PHF19: variants seen among roughly 807,000 people sequenced by gnomAD.
PHF19 encodes PHD finger protein 19, also known as polycomb like 3.
A neutral mutation model predicts 79.8 loss-of-function variants in PHF19; 21 were observed. The ratio of observed to expected loss-of-function variants is 0.26; its 90% CI spans 0.19 to 0.38. PHF19 has a LOEUF of 0.38. PHF19 is among the 10% of genes least tolerant of loss of function. The pLI, the probability that PHF19 is intolerant of heterozygous loss-of-function variation, is 1.00. For missense variants in PHF19, 445 were observed against 744.2 expected (o/e 0.60, Z 4.68); for synonymous variants, 273 against 296.3 (o/e 0.92, Z 0.81).
chr9:120,862,409 G>A lies in PHF19; in HGVS notation c.1130+179C>T, dbSNP rs1471235356. Among the ~76,000 whole-genome samples, 3 of 152,240 alleles carry A rather than the reference G, an allele frequency of 2.0e-5. No homozygotes were observed. Among genetic ancestry groups the A allele is most frequent in the African/African-American group, 7.2e-5 (3 of 41,464 alleles). On this transcript the variant is annotated intron_variant, in intron 11 of 14. Coordinates refer to ENST00000373896, the MANE Select transcript of PHF19 (RefSeq NM_015651.3). This position sits in a 1 kb window ranked among gnomAD's most constrained non-coding sequence, Gnocchi z 4.6. ...GCTTTTCCTCCTTGCGAGGTAATAA[G>A]GGGGCTGTGGTGGTGAAAGGAGTTG...
chr9:120,883,808 G>T (rs1291644880), intron 1 of PHF19, among the ~76,000 whole-genome samples: 2 of 151,996 alleles, frequency 1.3e-5, no homozygotes, highest in Non-Finnish European at 2.9e-5. Flanking sequence ...AGAGCTAGGG[G>T]GTGGGGCTAG....
intron 1 of PHF19, among the ~76,000 whole-genome samples, chr9:120,893,492 C>T (rs959499078): frequency 3.9e-5 from 6 of 152,256 alleles, no homozygotes; most frequent in African/African-American, 1.4e-4. Context: ...CATCCAATCT[C>T]TAGCCCTAGC....
In PHF19 at chr9:120,877,110, C is replaced by T. The variant is rs1021182512; in HGVS notation, c.-35G>A. ...ACTCACCGCGAGGCTGCGTGTCCGCCGGTCCCACTTGGAGTCTGGCCACCA... is the reference window on the plus strand; with the variant it reads ...ACTCACCGCGAGGCTGCGTGTCCGCTGGTCCCACTTGGAGTCTGGCCACCA... On this transcript the variant is annotated 5_prime_UTR_variant, in exon 1 of 15. Transcript: ENST00000373896. 2.0e-6 allele frequency: 2 copies of T among 985,182 alleles called. No homozygotes were observed. The highest frequency in any genetic ancestry group is 1.7e-5 in the African/African-American group (1 of 57,308). 61.0% of individuals were successfully genotyped at this position (985,182 alleles called of 1,614,324 possible).
chr9:120,865,984 G>T, intron 8 of PHF19, 44 bp downstream of exon 8: 1 of 1,570,658 alleles, frequency 6.4e-7, no homozygotes, highest in Non-Finnish European at 8.8e-7. Context: ...GAGGGGAGAA[G>T]CTGGGAGGAG....
upstream of PHF19, among the ~76,000 whole-genome samples, chr9:120,879,435 C>T (rs919973878): frequency 9.9e-5 from 15 of 152,210 alleles, no homozygotes; most frequent in Non-Finnish European, 2.2e-4. Flanking sequence ...AAGTCCAGCT[C>T]TGCCTCTGAG....
At position 120,862,559 on chromosome 9, in the gene PHF19, C is replaced by A; in HGVS notation, c.1130+29G>T. 6.2e-7 allele frequency: 1 copy of A among 1,606,048 alleles called. No homozygotes were observed. The highest frequency in any genetic ancestry group is 8.5e-7 in the Non-Finnish European group (1 of 1,174,734). ...GCAGAGAAACCGAGTTTGGCGGCAG[C>A]CCTGGCCCCTGGGTCCCCGAGCACT... On this transcript the variant is annotated intron_variant, in intron 11 of 14. Coordinates refer to ENST00000373896, the MANE Select transcript of PHF19 (RefSeq NM_015651.3). This position sits in a 1 kb window ranked among gnomAD's most constrained non-coding sequence, Gnocchi z 4.6.
chr9:120,858,066 T>G lies in PHF19; in HGVS notation c.1621A>C (p.Asn541His). 1.2e-6 allele frequency: 2 copies of G among 1,614,170 alleles called. No homozygotes were observed. The highest frequency in any genetic ancestry group is 1.7e-6 in the Non-Finnish European group (2 of 1,179,982). Residue 541 changes from asparagine (N) to histidine (H), a missense_variant, in exon 15 of 15, where the codon AAC (asparagine) becomes CAC (histidine). Physicochemically the swap from Asn to His is moderately conservative, Grantham distance 68. Coordinates refer to ENST00000373896, the MANE Select transcript of PHF19 (RefSeq NM_015651.3). ...AACCGCCCAGCTGCACCAAAGTAGT[T>G]GGTGATAGATGACTTGAGGTGGGAC... ...SLSHLKSSITNYFGAAGRLAC... is the reference protein window; with the variant it reads ...SLSHLKSSITHYFGAAGRLAC...
rs1352614003 is a variant in PHF19, at chr9:120,874,670, C to A, written c.72G>T (p.Gly24=). 1.2e-6 allele frequency: 2 copies of A among 1,613,686 alleles called. No homozygotes were observed. The highest frequency in any genetic ancestry group is 4.5e-5 in the East Asian group (2 of 44,900). ...AGTTGTTCTTGACCTTCGCCAGGGC[C>A]CCCTTGTTGGGGAGGTGGCTGGTGG... ...YGATSHLPNK[G]ALAKVKNNFK... is the part of the protein sequence containing the mutation. Residue 24 remains glycine (G), a synonymous_variant, in exon 2 of 15, where the codon GGG becomes GGT. Transcript: ENST00000373896. This position sits in a 1 kb window ranked among gnomAD's most constrained non-coding sequence, Gnocchi z 4.5.
chr9:120,862,091 G>A lies in PHF19; in HGVS notation c.1131-86C>T, dbSNP rs1323447598. 3.3e-6 allele frequency: 3 copies of A among 917,808 alleles called. No homozygotes were observed. Among genetic ancestry groups the A allele is most frequent in the East Asian group, 2.4e-5 (1 of 41,830 alleles). 56.9% of individuals were successfully genotyped at this position (917,808 alleles called of 1,614,324 possible). A position where few individuals can be genotyped will look rare whatever the true frequency, so the allele number is the denominator to read the frequency against. ...CAGAGGGAGGCGCCGCAGGGGCGGG[G>A]GTCACAGCAGTTGGGGAGACAGGCT... On this transcript the variant is annotated intron_variant, in intron 11 of 14. Coordinates refer to ENST00000373896, the MANE Select transcript of PHF19 (RefSeq NM_015651.3). The surrounding 1 kb of genome is among the most constrained non-coding windows in gnomAD (Gnocchi z 4.6).
At chr9:120,865,879 C>T in intron 8 of PHF19, 49 bp from the exon 9 acceptor site, 1 of 1,613,136 alleles carries the variant, frequency 6.2e-7, no homozygotes, top group Middle Eastern at 1.7e-4. Flanking sequence ...GCAGCCTGCT[C>T]AGCCAGGGTC....
rs4836833 is a variant in PHF19 at position 120,870,551 on chromosome 9, G to C, written c.269-13C>G. 0.68 allele frequency: 1,043,716 copies of C among 1,530,442 alleles called. 359,699 individuals are homozygous for C. The highest frequency in any genetic ancestry group is 0.81 in the Admixed American group (48,791 of 59,908). 94.8% of individuals were successfully genotyped at this position (1,530,442 alleles called of 1,614,324 possible). ...CCTGGAACACCGGCTGAAAGAGAGG[G>C]CCTCGAGGGTCGGGTCCAGCTCACA... On this transcript the variant is annotated splice_polypyrimidine_tract_variant and intron_variant, in intron 3 of 14. Transcript: ENST00000373896. This position sits in a 1 kb window ranked among gnomAD's most constrained non-coding sequence, Gnocchi z 4.4.
chr9:120,865,973 G>A, intron 8 of PHF19, 55 bp downstream of exon 8: 1 of 1,564,138 alleles, frequency 6.4e-7, no homozygotes, highest in Non-Finnish European at 8.8e-7. Flanking sequence ...GAGGGAGGAG[G>A]GAGGGGAGAA....
chr9:120,875,713 G>A (rs1432459567), intron 1 of PHF19, among the ~76,000 whole-genome samples: 2 of 152,172 alleles, frequency 1.3e-5, no homozygotes, highest in Non-Finnish European at 2.9e-5. Flanking sequence ...GGTGGGGAAC[G>A]GTACTACCAG....
chr9:120,868,888 C>T, intron 6 of PHF19: 3 of 1,102,730 alleles, frequency 2.7e-6, no homozygotes, highest in Non-Finnish European at 3.4e-6. Flanking sequence ...ACCTTCCGGG[C>T]CCGCCCCCCG....
Position 120,857,922 on chromosome 9 carries a change from C to T in PHF19, c.*22G>A. On this transcript the variant is annotated 3_prime_UTR_variant, in exon 15 of 15. Coordinates refer to ENST00000373896, the MANE Select transcript of PHF19 (RefSeq NM_015651.3). ...CTGCTCCTCCTTTGGTTTTCAGGACCCCTGGCACCCCCGGGGGCTAGTCAG... is the reference window on the plus strand; with the variant it reads ...CTGCTCCTCCTTTGGTTTTCAGGACTCCTGGCACCCCCGGGGGCTAGTCAG... The T allele has an allele frequency of 1.4e-6, 2 of 1,462,336 alleles. No individual in the cohort carries two copies. The highest frequency in any genetic ancestry group is 1.9e-6 in the Non-Finnish European group (2 of 1,073,072). 90.6% of individuals were successfully genotyped at this position (1,462,336 alleles called of 1,614,324 possible).
chr9:120,868,724 C>A (rs1360327538), intron 6 of PHF19: 7 of 625,752 alleles, frequency 1.1e-5, no homozygotes, highest in Non-Finnish European at 1.4e-5. Flanking sequence ...TGAGGCCTCG[C>A]CTCCTCAGGT....
rs1389861411 is a variant in PHF19 at position 120,862,138 on chromosome 9, C to G, written c.1131-133G>C. The G allele has an allele frequency of 1.4e-6, 1 of 731,464 alleles. No individual in the cohort carries two copies. The highest frequency in any genetic ancestry group is 2.5e-6 in the Non-Finnish European group (1 of 402,632). The allele number at this position is 731,464 out of a possible 1,614,324, so 45.3% of individuals were successfully genotyped here. ...GGCTCTGAACACAGCTGCACCTTCACAGGGAGGCCTGGGGAGGAGGGAGAG... is the reference window on the plus strand; with the variant it reads ...GGCTCTGAACACAGCTGCACCTTCAGAGGGAGGCCTGGGGAGGAGGGAGAG... On this transcript the variant is annotated intron_variant, in intron 11 of 14. Coordinates refer to ENST00000373896, the MANE Select transcript of PHF19 (RefSeq NM_015651.3). This position sits in a 1 kb window ranked among gnomAD's most constrained non-coding sequence, Gnocchi z 4.6.
At chr9:120,865,622 T>C in intron 9 of PHF19, 88 bp downstream of exon 9, 2 of 1,501,522 alleles carry the variant, frequency 1.3e-6, no homozygotes, top group Non-Finnish European at 1.8e-6. Context: ...AGGGTGAGAG[T>C]TCAGAGACTT....
chr9:120,861,056 A>G, intron 13 of PHF19, 33 bp downstream of exon 13: 1 of 1,225,254 alleles, frequency 8.2e-7, no homozygotes. Flanking sequence ...CTGTCTCCAG[A>G]GCAGACCTCT....
Sources: allele counts gnomAD v4.1 joint callset (sites outside exome capture counted in the v4.1 genomes callset), GRCh38; gene constraint gnomAD v4.1.1; non-coding constraint Gnocchi (gnomAD v3.1); transcripts MANE v1.5; gene names NCBI Gene and HGNC (gene_info 2026-07-23, HGNC 2026-07-21).